The following NCKAP5 variants were observed in gnomAD, a reference collection of about 807,000 sequenced individuals.
NCKAP5 encodes the protein NCK associated protein 5, also known as nck-associated protein 5.
Under a neutral mutation model 167.0 loss-of-function variants are expected in NCKAP5, and 92 were observed. The observed-to-expected ratio is 0.55, with a 90% CI of 0.47 to 0.66. The LOEUF is 0.66. Ranked by LOEUF, NCKAP5 falls within the 30% of genes least tolerant of loss-of-function variation. NCKAP5 has a pLI of 0.00. For missense variants in NCKAP5, 2,378 were observed against 2,315.0 expected (o/e 1.03, Z -0.56); for synonymous variants, 891 against 877.4 (o/e 1.02, Z -0.27).
chr2:133,599,748 G>C, the NCKAP5 span, among the ~76,000 whole-genome samples: 1 of 152,198 alleles, frequency 6.6e-6, no homozygotes, highest in Non-Finnish European at 1.5e-5. Context: ...TGCCCTCCTG[G>C]GGCCCTGGGT....
chr2:133,202,122 C>A lies in NCKAP5; in HGVS notation c.207+11594G>T, dbSNP rs188515861. ...AACAAAGCTGGAGGCATCATGCTAC[C>A]TGACTTCAAACTATACTACAAGGCT... On this transcript the variant is annotated intron_variant, in intron 5 of 19. Transcript: ENST00000409261. 5.9e-5 allele frequency among the ~76,000 whole-genome samples: 9 copies of A among 152,256 alleles called. No individual in the cohort carries two copies. In the East Asian group the frequency reaches 1.5e-3, roughly 26 times the overall value.
intron 16 of NCKAP5, among the ~76,000 whole-genome samples, chr2:132,755,601 C>G (rs922710131): frequency 1.3e-5 from 2 of 151,970 alleles, no homozygotes; most frequent in African/African-American, 2.4e-5. Flanking sequence ...AAGGCCAAGG[C>G]GGGCAGATCA....
intron 6 of NCKAP5, among the ~76,000 whole-genome samples, chr2:132,995,629 C>T (rs113136531): frequency 0.018 from 2,707 of 149,014 alleles, 71 homozygotes; most frequent in African/African-American, 0.064. Context: ...CCAGCCTGGG[C>T]GACAGAGACT....
chr2:132,675,900 A>C (rs1172906099), intron 19 of NCKAP5, among the ~76,000 whole-genome samples: 2 of 152,014 alleles, frequency 1.3e-5, no homozygotes, highest in Non-Finnish European at 2.9e-5. Flanking sequence ...TTATTTTTAC[A>C]GTTTTGATGA....
chr2:132,674,333 T>C (rs1348262277), intron 19 of NCKAP5, among the ~76,000 whole-genome samples: 1 of 152,180 alleles, frequency 6.6e-6, no homozygotes, highest in African/African-American at 2.4e-5. Flanking sequence ...AAAGAGAAGG[T>C]ATGCAAGGCT....
At chr2:133,651,068 TA>T in the NCKAP5 span, among the ~76,000 whole-genome samples, 1 of 152,130 alleles carries the variant, frequency 6.6e-6, no homozygotes, top group African/African-American at 2.4e-5. Flanking sequence ...CCTGAAACTG[TA>T]AAACTCCTAG....
chr2:132,881,015 CACAAT>C (rs900129918), intron 8 of NCKAP5, among the ~76,000 whole-genome samples: 1 of 152,010 alleles, frequency 6.6e-6, no homozygotes, highest in Non-Finnish European at 1.5e-5. Context: ...AATACAGTAC[CACAAT>C]GTGATCTACA....
At chr2:133,627,695 GAAAA>G in the NCKAP5 span, among the ~76,000 whole-genome samples, 2 of 151,942 alleles carry the variant, frequency 1.3e-5, no homozygotes, top group African/African-American at 4.8e-5. Flanking sequence ...CAAAAAAAAA[GAAAA>G]AAGAAAGAAA....
rs201592269 is a variant in NCKAP5 at position 132,785,002 on chromosome 2, G to C, written c.1809C>G (p.Asp603Glu). 4.3e-6 allele frequency: 7 copies of C among 1,613,774 alleles called. No homozygotes were observed. The highest frequency in any genetic ancestry group is 1.3e-5 in the African/African-American group (1 of 74,920). The change falls in exon 14 of 20, where the codon GAC (aspartate) becomes GAG (glutamate). Residue 603 changes from aspartate to glutamate, a missense_variant. Physicochemically the swap from Asp to Glu is conservative, Grantham distance 45. Around this residue, in one of 3 missense-constraint regions of NCKAP5, gnomAD observed 1,049 missense variants for 1,023.4 expected, o/e 1.02. Transcript: ENST00000409261. ...TATCGGTGTCGGCAGCCAATGACAC[G>C]TCTGAAGGACTTTTCTCATCACTGC... ...IESSDEKSPS[D>E]VSLAADTDKS...
At chr2:133,299,514 A>C (rs2150553972) in intron 4 of NCKAP5, among the ~76,000 whole-genome samples, 1 of 152,270 alleles carries the variant, frequency 6.6e-6, no homozygotes, top group South Asian at 2.1e-4. Flanking sequence ...TGGGAGTCCA[A>C]GGCGGGTGGA....
At chr2:133,251,205 G>A (rs1175567960) in intron 4 of NCKAP5, among the ~76,000 whole-genome samples, 1 of 152,146 alleles carries the variant, frequency 6.6e-6, no homozygotes, top group Non-Finnish European at 1.5e-5. Flanking sequence ...AAGTGTACAG[G>A]AGGATGTGTG....
At chr2:133,565,296 G>A (rs1177681620) in intron 1 of NCKAP5, among the ~76,000 whole-genome samples, 1 of 152,160 alleles carries the variant, frequency 6.6e-6, no homozygotes, top group Non-Finnish European at 1.5e-5. Context: ...GTAAGTCTGG[G>A]GTGGGACGTG....
the NCKAP5 span, among the ~76,000 whole-genome samples, chr2:133,627,212 GA>G: frequency 6.6e-6 from 1 of 151,068 alleles, no homozygotes. Context: ...AAATCAATAA[GA>G]AAAAAAATAA....
At chr2:133,297,194 T>TGC (rs1559361141) in intron 4 of NCKAP5, among the ~76,000 whole-genome samples, 1 of 151,530 alleles carries the variant, frequency 6.6e-6, no homozygotes, top group Non-Finnish European at 1.5e-5. Flanking sequence ...TGTGTGTGTG[T>TGC]GTGTGTGTGT....
intron 3 of NCKAP5, among the ~76,000 whole-genome samples, chr2:133,467,361 C>A (rs1692681346): frequency 1.3e-5 from 2 of 152,098 alleles, no homozygotes; most frequent in Non-Finnish European, 2.9e-5. Flanking sequence ...GGATGAAGCC[C>A]ACTTGATCAT....
At chr2:133,210,080 G>A (rs538054387) in intron 5 of NCKAP5, among the ~76,000 whole-genome samples, 47 of 151,628 alleles carry the variant, frequency 3.1e-4, no homozygotes, top group Admixed American at 1.3e-3. Flanking sequence ...CAAGAGCATC[G>A]CTTCAACCAA....
At chr2:133,666,186 C>CTTTTTTTTTTTTTTTTT in the NCKAP5 span, among the ~76,000 whole-genome samples, 8 of 114,120 alleles carry the variant, frequency 7.0e-5, no homozygotes, top group African/African-American at 2.4e-4. Flanking sequence ...GATCTACATC[C>CTTTTTTTTTTTTTTTTT]TTTTTTTTTT....
At chr2:133,539,686 G>T (rs549912613) in intron 2 of NCKAP5, among the ~76,000 whole-genome samples, 18 of 151,842 alleles carry the variant, frequency 1.2e-4, no homozygotes, top group Non-Finnish European at 2.4e-4. Context: ...GACAATCAAA[G>T]GGATAATTAA....
At chr2:133,441,677 CAGTATT>C (rs2151165284) in intron 3 of NCKAP5, among the ~76,000 whole-genome samples, 1 of 152,290 alleles carries the variant, frequency 6.6e-6, no homozygotes, top group Non-Finnish European at 1.5e-5. Flanking sequence ...GTGATCTACT[CAGTATT>C]TAAATTCTTT....
Sources: allele counts gnomAD v4.1 joint callset (sites outside exome capture counted in the v4.1 genomes callset), GRCh38; gene constraint gnomAD v4.1.1; regional missense constraint gnomAD v4.1.1; transcripts MANE v1.5; gene names NCBI Gene and HGNC (gene_info 2026-07-23, HGNC 2026-07-21).